The following GPRIN1 variants were observed in gnomAD, a reference collection of about 807,000 sequenced individuals.
GPRIN1 encodes G protein-regulated inducer of neurite outgrowth 1.
Under a neutral mutation model 2.8 loss-of-function variants are expected in GPRIN1, and 4 were observed. The ratio of observed to expected loss-of-function variants is 1.45; its 90% CI spans 0.71 to 3.32. The LOEUF (loss-of-function observed/expected upper bound fraction) is 3.32, where lower values mean the gene tolerates loss of function less well. Ranked by LOEUF, GPRIN1 falls within the 30% of genes most tolerant of loss-of-function variation. The pLI is 0.01. For missense variants in GPRIN1, 1,322 were observed against 1,343.4 expected (o/e 0.98, Z 0.25); for synonymous variants, 589 against 589.9 (o/e 1.00, Z 0.02).
chr5:176,607,509 A>C (rs946076248), intron 1 of GPRIN1, among the ~76,000 whole-genome samples: 1 of 151,984 alleles, frequency 6.6e-6, no homozygotes, highest in Non-Finnish European at 1.5e-5. Context: ...ACACCTGGCT[A>C]ATTTTTGTAT....
Position 176,598,081 on chromosome 5 carries a change from A to C in GPRIN1, c.1754T>G (p.Val585Gly). ...VVSTPGKTVPVPSGKVDPVSL... is the reference protein window; with the variant it reads ...VVSTPGKTVPGPSGKVDPVSL... ...CACGGGATCCACCTTCCCCGAGGGC[A>C]CCGGGACTGTTTTTCCTGGAGTTGA... The change falls in exon 2 of 2, where the codon GTG (valine) becomes GGG (glycine). Residue 585 changes from valine (V) to glycine (G), a missense_variant. Around this residue, in one of 3 missense-constraint regions of GPRIN1, gnomAD observed 1,117 missense variants for 1,128.6 expected, o/e 0.99. Transcript: ENST00000303991. 6.2e-7 allele frequency: 1 copy of C among 1,613,706 alleles called. No individual in the cohort carries two copies. Among genetic ancestry groups the C allele is most frequent in the South Asian group, 1.1e-5 (1 of 91,074 alleles).
At position 176,599,757 on chromosome 5, in the gene GPRIN1, G is replaced by C; in HGVS notation, c.78C>G (p.Ala26=). ...GGCTCCCATCCTGTGGGCAGAAGAA[G>C]GCTGTGGGTCGGGGTCCTGGGGGGC... ...DSSPPGPRPT[A]FFCPQDGSLG... The change falls in exon 2 of 2, where the codon GCC becomes GCG. Residue 26 remains alanine (A), a synonymous_variant. Coordinates refer to ENST00000303991, the MANE Select transcript of GPRIN1 (RefSeq NM_052899.3). 6.5e-7 allele frequency: 1 copy of C among 1,531,534 alleles called. No individual in the cohort carries two copies. Among genetic ancestry groups the C allele is most frequent in the Non-Finnish European group, 8.8e-7 (1 of 1,139,324 alleles). 94.9% of individuals were successfully genotyped at this position (1,531,534 alleles called of 1,614,324 possible).
intron 1 of GPRIN1, 33 bp downstream of exon 1, chr5:176,609,966 C>G (rs1759288866): frequency 6.6e-6 from 1 of 151,860 alleles, no homozygotes; most frequent in Non-Finnish European, 1.5e-5. Context: ...GCCGCCCGCC[C>G]GGAAAGACAG....
At chr5:176,607,645 C>CA (rs1581159613) in intron 1 of GPRIN1, among the ~76,000 whole-genome samples, 2 of 151,960 alleles carry the variant, frequency 1.3e-5, no homozygotes, top group African/African-American at 4.8e-5. Flanking sequence ...CACCCGGTCT[C>CA]AGTCTCTTTT....
chr5:176,598,086 G>T lies in GPRIN1; in HGVS notation c.1749C>A (p.Val583=), dbSNP rs1759080737. ...GATCCACCTTCCCCGAGGGCACCGG[G>T]ACTGTTTTTCCTGGAGTTGAGACCA... ...GKVVSTPGKT[V]PVPSGKVDPV... is the part of the protein sequence containing the mutation. The change falls in exon 2 of 2, where the codon GTC becomes GTA. Residue 583 remains valine, a synonymous_variant. Transcript: ENST00000303991. 2 of 1,613,596 alleles carry T rather than the reference G, an allele frequency of 1.2e-6. No homozygotes were observed. Among genetic ancestry groups the T allele is most frequent in the Non-Finnish European group, 1.7e-6 (2 of 1,179,996 alleles).
rs1419150129 is a variant in GPRIN1, at chr5:176,605,400, C to T, written c.-44+4599G>A. Among the ~76,000 whole-genome samples the T allele has an allele frequency of 2.0e-5, 3 of 152,202 alleles. No homozygotes were observed. In the East Asian group the frequency reaches 5.8e-4, roughly 29 times the overall value. On this transcript the variant is annotated intron_variant, in intron 1 of 1. Transcript: ENST00000303991. ...TGGTCCACCATGCCCGGCCAAAACA[C>T]TTTCATGAGCCAACTTTGACCCCTA...
Position 176,598,636 on chromosome 5 carries a change from G to A in GPRIN1, c.1199C>T (p.Thr400Ile). Residue 400 changes from threonine (T) to isoleucine (I), a missense_variant, in exon 2 of 2, where the codon ACA becomes ATA. By Grantham distance (89) the Thr-to-Ile change is moderately conservative (BLOSUM62 -1). Transcript: ENST00000303991. ...CACATTTTTCAAAGATGTGAGATCTGTCTTTGCTGAAGCCGTAGTATCCGT... is the reference window on the plus strand; with the variant it reads ...CACATTTTTCAAAGATGTGAGATCTATCTTTGCTGAAGCCGTAGTATCCGT... The part of the protein sequence containing the change: ...GHTDTTASAK[T>I]DLTSLKNVDP... The A allele has an allele frequency of 6.2e-7, 1 of 1,614,170 alleles. No homozygotes were observed. The highest frequency in any genetic ancestry group is 8.5e-7 in the Non-Finnish European group (1 of 1,180,040).
At chr5:176,603,819 T>A (rs1759183667) in intron 1 of GPRIN1, among the ~76,000 whole-genome samples, 2 of 152,228 alleles carry the variant, frequency 1.3e-5, no homozygotes, top group African/African-American at 4.8e-5. Context: ...TCCATCTTCA[T>A]CTTTGGCCTT....
chr5:176,600,705 GGAGTTCAAGACCCCCCTGGCCAA>G (rs1186602889), intron 1 of GPRIN1, among the ~76,000 whole-genome samples: 1 of 152,032 alleles, frequency 6.6e-6, no homozygotes, highest in Non-Finnish European at 1.5e-5. Flanking sequence ...CTAGAGGTCA[GGAGTTCAAGACCCCCCTGGCCAA>G]CATGGTGTAA....
rs1335284568 is a variant in GPRIN1, at chr5:176,602,699, C to T, written c.-43-2822G>A. Among the ~76,000 whole-genome samples, 1 of 152,092 alleles carries T rather than the reference C, an allele frequency of 6.6e-6. No homozygotes were observed. The highest frequency in any genetic ancestry group is 2.4e-5 in the African/African-American group (1 of 41,400). Reference sequence around the variant, plus strand: ...ATGGTCCTAAAGATAGACCTGGGGTCCTGAAGATGGTCCTGGGGTACACAA... The same window carrying T: ...ATGGTCCTAAAGATAGACCTGGGGTTCTGAAGATGGTCCTGGGGTACACAA... On this transcript the variant is annotated intron_variant, in intron 1 of 1. Coordinates refer to ENST00000303991, the MANE Select transcript of GPRIN1 (RefSeq NM_052899.3). This position sits in a 1 kb window ranked among gnomAD's most constrained non-coding sequence, Gnocchi z 4.4.
chr5:176,599,930 G>C (rs1759122888), intron 1 of GPRIN1, 53 bp from the exon 2 acceptor site: 3 of 1,182,890 alleles, frequency 2.5e-6, no homozygotes, highest in Admixed American at 7.2e-5. Flanking sequence ...TGGGGGAGGA[G>C]ACTCTGCCTT....
At position 176,598,379 on chromosome 5, in the gene GPRIN1, T is replaced by C. The variant is rs568979691; in HGVS notation, c.1456A>G (p.Lys486Glu). Residue 486 changes from lysine to glutamate, a missense_variant, in exon 2 of 2, where the codon AAG (lysine) becomes GAG (glutamate). Transcript: ENST00000303991. The stretch of plus-strand genomic sequence containing the variant: ...GGACCTGAAGACACAGGGTTTGTCT[T>C]TCCTGAAGACTCAGGATTCACTTTT... ...SEKVNPESSGKTNPVSSGPGD... is the reference protein window; with the variant it reads ...SEKVNPESSGETNPVSSGPGD... 17 of 1,613,898 alleles carry C rather than the reference T, an allele frequency of 1.1e-5. No homozygotes were observed. The highest frequency in any genetic ancestry group is 1.2e-5 in the Non-Finnish European group (14 of 1,179,948).
rs866222395 is a variant in GPRIN1 at position 176,597,580 on chromosome 5, G to A, written c.2255C>T (p.Ala752Val). ...GGCCTCGGTGCTGGACACGGGCTCG[G>A]CCTTCGGCTCCACGCGGCCTTCACT... is the stretch of plus-strand genomic sequence containing the variant. ...RGSEGRVEPK[A>V]EPVSSTEASS... is the part of the protein sequence containing the mutation. The change falls in exon 2 of 2, where the codon GCC becomes GTC. Residue 752 changes from alanine (A) to valine (V), a missense_variant. Coordinates refer to ENST00000303991, the MANE Select transcript of GPRIN1 (RefSeq NM_052899.3). This position sits in a 1 kb window ranked among gnomAD's most constrained non-coding sequence, Gnocchi z 6.1. 2 of 1,594,384 alleles carry A rather than the reference G, an allele frequency of 1.3e-6. No individual in the cohort carries two copies. The highest frequency in any genetic ancestry group is 1.1e-5 in the South Asian group (1 of 90,518).
In GPRIN1 at chr5:176,599,825, C is replaced by T; in HGVS notation, c.10G>A (p.Ala4Thr). 1.3e-6 allele frequency: 2 copies of T among 1,483,990 alleles called. No homozygotes were observed. The highest frequency in any genetic ancestry group is 1.8e-6 in the Non-Finnish European group (2 of 1,115,682). The allele number at this position is 1,483,990 out of a possible 1,614,324, so 91.9% of individuals were successfully genotyped here. A position where few individuals can be genotyped will look rare whatever the true frequency, so the allele number is the denominator to read the frequency against. The change falls in exon 2 of 2, where the codon GCT (alanine) becomes ACT (threonine). Residue 4 changes from alanine to threonine, a missense_variant. By Grantham distance (58) the Ala-to-Thr change is moderately conservative. Transcript: ENST00000303991. MDT[A>T]EDPAWLQLLQ... The stretch of plus-strand genomic sequence containing the variant: ...AGCTGGAGCCAGGCCGGGTCTTCAG[C>T]AGTGTCCATCTGCCCTCATGACCAC...
chr5:176,597,738 G>A lies in GPRIN1; in HGVS notation c.2097C>T (p.Ser699=). ...VSLGKADSAP[S]RKTESPSLGK... is the part of the protein sequence containing the mutation. Reference sequence around the variant, plus strand: ...CCAAGGATGGGGACTCCGTTTTTCTGGAAGGTGCAGAGTCGGCTTTCCCCA... The same window carrying A: ...CCAAGGATGGGGACTCCGTTTTTCTAGAAGGTGCAGAGTCGGCTTTCCCCA... The change falls in exon 2 of 2, where the codon TCC becomes TCT. Residue 699 remains serine (S), a synonymous_variant. Transcript: ENST00000303991. This position sits in a 1 kb window ranked among gnomAD's most constrained non-coding sequence, Gnocchi z 6.1. The A allele has an allele frequency of 6.3e-7, 1 of 1,599,936 alleles. No homozygotes were observed. Among genetic ancestry groups the A allele is most frequent in the Non-Finnish European group, 8.5e-7 (1 of 1,173,002 alleles).
Position 176,598,188 on chromosome 5 carries a change from G to GC in GPRIN1, c.1646dup (p.Lys550GlnfsTer25). 1 of 1,612,164 alleles carries GC rather than the reference G, an allele frequency of 6.2e-7. No individual in the cohort carries two copies. The highest frequency in any genetic ancestry group is 8.5e-7 in the Non-Finnish European group (1 of 1,179,870). Reference sequence around the variant, plus strand: ...TTCCCTTGCTCACAGGGTCCTCCTTGCCCACCGCGAGGGGCTCGGCCTTCC... The same window carrying GC: ...TTCCCTTGCTCACAGGGTCCTCCTTGCCCCACCGCGAGGGGCTCGGCCTTCC... On this transcript the variant is annotated frameshift_variant, in exon 2 of 2. Coordinates refer to ENST00000303991, the MANE Select transcript of GPRIN1 (RefSeq NM_052899.3). LOFTEE classifies it low-confidence loss of function (END_TRUNC).
chr5:176,596,972 G>T lies in GPRIN1; in HGVS notation c.2863C>A (p.Pro955Thr), dbSNP rs754262427. 1.3e-5 allele frequency: 17 copies of T among 1,357,544 alleles called. 1 individual carries two copies. In the South Asian group the frequency reaches 3.4e-4, roughly 27 times the overall value. The allele number at this position is 1,357,544 out of a possible 1,614,324, so 84.1% of individuals were successfully genotyped here. ...GCACGGGCGGCGGGCGGCGGCGCGG[G>T]CGCCCCTTGGCGGCCGTGCTCCTCG... ...QIEEHGRQGAPAPPPAARAGP... is the reference protein window; with the variant it reads ...QIEEHGRQGATAPPPAARAGP... The change falls in exon 2 of 2, where the codon CCC (proline) becomes ACC (threonine). Residue 955 changes from proline to threonine, a missense_variant. Coordinates refer to ENST00000303991, the MANE Select transcript of GPRIN1 (RefSeq NM_052899.3). The surrounding 1 kb of genome is among the most constrained non-coding windows in gnomAD (Gnocchi z 5.2).
At position 176,599,543 on chromosome 5, in the gene GPRIN1, A is replaced by T. The variant is rs1297649814; in HGVS notation, c.292T>A (p.Cys98Ser). 2 of 1,593,984 alleles carry T rather than the reference A, an allele frequency of 1.3e-6. No homozygotes were observed. The highest frequency in any genetic ancestry group is 2.3e-5 in the South Asian group (2 of 88,384). The change falls in exon 2 of 2, where the codon TGC (cysteine) becomes AGC (serine). Residue 98 changes from cysteine (C) to serine (S), a missense_variant. Coordinates refer to ENST00000303991, the MANE Select transcript of GPRIN1 (RefSeq NM_052899.3). Reference protein sequence around the residue: ...RGSLACPSPTCFSPQESPSKE... With the variant: ...RGSLACPSPTSFSPQESPSKE... ...GAGGGTGACTCCTGGGGAGAGAAGC[A>T]GGTTGGGGAGGGGCAGGCCAGGCTC...
In GPRIN1 at chr5:176,598,293, C is replaced by T. The variant is rs370201638; in HGVS notation, c.1542G>A (p.Ala514=). Residue 514 remains alanine, a synonymous_variant, in exon 2 of 2, where the codon GCG becomes GCA. Coordinates refer to ENST00000303991, the MANE Select transcript of GPRIN1 (RefSeq NM_052899.3). ...ACAGGGGATCTCCTTTTCCCCCCGT[C>T]GCTGGCTCAGCCTTTACTGCAGATG... ...GPPSAVKAEP[A]TGGKGDPLSS... 1.1e-5 allele frequency: 18 copies of T among 1,613,684 alleles called. No homozygotes were observed. The highest frequency in any genetic ancestry group is 9.9e-5 in the South Asian group (9 of 91,070).
Sources: allele counts gnomAD v4.1 joint callset (sites outside exome capture counted in the v4.1 genomes callset), GRCh38; gene constraint gnomAD v4.1.1; regional missense constraint gnomAD v4.1.1; non-coding constraint Gnocchi (gnomAD v3.1); transcripts MANE v1.5; gene names NCBI Gene and HGNC (gene_info 2026-07-23, HGNC 2026-07-21).